The following PI4K2A variants were observed in gnomAD, a reference collection of about 807,000 sequenced individuals.
PI4K2A encodes the protein phosphatidylinositol 4-kinase type 2-alpha.
Under a neutral mutation model 55.0 loss-of-function variants are expected in PI4K2A, and 20 were observed. That is an observed-to-expected ratio of 0.36 (90% CI 0.26 to 0.53). The LOEUF (loss-of-function observed/expected upper bound fraction) is 0.53, where lower values mean the gene tolerates loss of function less well. Ranked by LOEUF, PI4K2A falls within the 20% of genes least tolerant of loss-of-function variation. The pLI, the probability that PI4K2A is intolerant of heterozygous loss-of-function variation, is 0.91. For synonymous variants in PI4K2A, 235 were observed against 258.5 expected, an observed-to-expected ratio of 0.91 and a Z score of 0.87; for missense variants, 463 against 637.1, an observed-to-expected ratio of 0.73 and a Z score of 2.94.
At position 97,667,304 on chromosome 10, in the gene PI4K2A, G is replaced by C. The variant is rs1396092232; in HGVS notation, c.1278+184G>C. ...TGCTCACTGCAACCTCCACCTCCCA[G>C]GTTCAAGCAATTCTTGTGCCTCAGC... is the stretch of plus-strand genomic sequence containing the variant. On this transcript the variant is annotated intron_variant, in intron 8 of 8. Transcript: ENST00000370631. Among the ~76,000 whole-genome samples, 3 of 151,858 alleles carry C rather than the reference G, an allele frequency of 2.0e-5. No individual in the cohort carries two copies. In the East Asian group the frequency reaches 5.9e-4, roughly 30 times the overall value.
Position 97,656,928 on chromosome 10 carries a change from C to T in PI4K2A, c.876C>T (p.Leu292=). The change falls in exon 4 of 9, where the codon CTC becomes CTT. Residue 292 remains leucine, a synonymous_variant. Transcript: ENST00000370631. This position sits in a 1 kb window ranked among gnomAD's most constrained non-coding sequence, Gnocchi z 4.5. ...AGAACACTAACCGGCAACTACTGCT[C>T]CAGTTTGAGCGGTTGGTGGTGCTGG... 1.2e-6 allele frequency: 2 copies of T among 1,614,140 alleles called. No homozygotes were observed. The highest frequency in any genetic ancestry group is 1.7e-6 in the Non-Finnish European group (2 of 1,180,016).
chr10:97,658,266 C>G (rs1484170402), intron 4 of PI4K2A, among the ~76,000 whole-genome samples: 2 of 152,220 alleles, frequency 1.3e-5, no homozygotes, highest in South Asian at 4.1e-4. Context: ...CTAAGTACCT[C>G]ATGTAAGTGG....
intron 4 of PI4K2A, among the ~76,000 whole-genome samples, chr10:97,661,026 C>G (rs1275573696): frequency 1.3e-5 from 2 of 151,742 alleles, no homozygotes; most frequent in African/African-American, 2.4e-5. Context: ...GAGTCTCACT[C>G]TGTTGCCCAG....
At chr10:97,667,109 A>C (rs1236772177) in exon 8 of PI4K2A, 10 of 1,612,970 alleles carry the variant, frequency 6.2e-6, no homozygotes, top group Admixed American at 3.3e-5. Context: ...GATTGCTGTC[A>C]TGCGGGGCCA....
chr10:97,648,401 T>G (rs2041515366), intron 1 of PI4K2A, among the ~76,000 whole-genome samples: 1 of 152,146 alleles, frequency 6.6e-6, no homozygotes, highest in Admixed American at 6.6e-5. Context: ...TAAAAATTAG[T>G]GACAGAGTCT....
chr10:97,664,356 T>C (rs2041600401), intron 5 of PI4K2A, among the ~76,000 whole-genome samples: 1 of 152,182 alleles, frequency 6.6e-6, no homozygotes, highest in South Asian at 2.1e-4. Context: ...ATTCATCTCT[T>C]GTCCTTTTCC....
intron 8 of PI4K2A, among the ~76,000 whole-genome samples, chr10:97,671,986 G>C (rs757355616): frequency 6.6e-6 from 1 of 151,410 alleles, no homozygotes; most frequent in African/African-American, 2.4e-5. Flanking sequence ...TATCATCTTT[G>C]TAGGAAAATC....
At chr10:97,642,474 C>T (rs542580314) in intron 1 of PI4K2A, among the ~76,000 whole-genome samples, 1 of 150,982 alleles carries the variant, frequency 6.6e-6, no homozygotes, top group African/African-American at 2.4e-5. Flanking sequence ...GATCTCAGCT[C>T]ACTGCAGCCT....
intron 1 of PI4K2A, among the ~76,000 whole-genome samples, chr10:97,642,956 CTT>C: frequency 7.0e-6 from 1 of 141,974 alleles, no homozygotes; most frequent in Non-Finnish European, 1.5e-5. Flanking sequence ...CTCTTTCTTT[CTT>C]TTTCTTTCTT....
Position 97,664,956 on chromosome 10 carries a change from ACTGAAGCATC to A in PI4K2A, c.1061_1070del (p.Lys354ThrfsTer27). ...CCATAGACAATGGGCTGGCCTTCCCACTGAAGCATCCTGACTCCTGGAGGGCATGTAAGTC... is the reference window on the plus strand; with the variant it reads ...CCATAGACAATGGGCTGGCCTTCCCACTGACTCCTGGAGGGCATGTAAGTC... On this transcript the variant is annotated frameshift_variant, in exon 6 of 9. Coordinates refer to ENST00000370631, the Ensembl canonical transcript of PI4K2A. LOFTEE classifies it high-confidence loss of function. 6.2e-7 allele frequency: 1 copy of A among 1,613,528 alleles called. No individual in the cohort carries two copies. Among genetic ancestry groups the A allele is most frequent in the Non-Finnish European group, 8.5e-7 (1 of 1,179,472 alleles).
chr10:97,657,060 A>C, intron 4 of PI4K2A, 86 bp downstream of exon 4: 1 of 1,352,818 alleles, frequency 7.4e-7, no homozygotes, highest in East Asian at 2.3e-5. Context: ...CTTGGGAGTC[A>C]GAGTACCTTG....
At chr10:97,660,933 A>ATTT (rs36016508) in intron 4 of PI4K2A, among the ~76,000 whole-genome samples, 98 of 146,502 alleles carry the variant, frequency 6.7e-4, no homozygotes, top group African/African-American at 1.7e-3. Context: ...TCCCTGCTGG[A>ATTT]TTTTTTTTTT....
intron 1 of PI4K2A, among the ~76,000 whole-genome samples, chr10:97,644,079 G>A (rs1333654581): frequency 1.3e-5 from 2 of 152,120 alleles, no homozygotes; most frequent in African/African-American, 4.8e-5. Context: ...GGACAGGTGC[G>A]GTGGCTCACG....
rs111690541 is a variant in PI4K2A at position 97,661,306 on chromosome 10, T to C, written c.923-1601T>C. On this transcript the variant is annotated intron_variant, in intron 4 of 8. Coordinates refer to ENST00000370631, the Ensembl canonical transcript of PI4K2A. ...GCGCCCGGCCACTGCTGGATTATTT[T>C]AAAGCAAATCTGAGACATCATTTTA... Among the ~76,000 whole-genome samples, 801 of 151,986 alleles carry C rather than the reference T, an allele frequency of 5.3e-3. 9 individuals carry two copies. Among genetic ancestry groups the C allele is most frequent in the African/African-American group, 0.017 (686 of 41,454 alleles).
chr10:97,673,871 C>T, exon 9 of PI4K2A: 1 of 794,500 alleles, frequency 1.3e-6, no homozygotes, highest in Non-Finnish European at 2.0e-6. Flanking sequence ...CTGCTTGCCA[C>T]CCTGCTCAGA....
chr10:97,642,974 C>T (rs997535428), intron 1 of PI4K2A, among the ~76,000 whole-genome samples: 5 of 147,716 alleles, frequency 3.4e-5, no homozygotes, highest in Non-Finnish European at 6.0e-5. Context: ...TTCTTTCTTT[C>T]ATTCATTCTC....
intron 2 of PI4K2A, among the ~76,000 whole-genome samples, chr10:97,653,304 G>A (rs1010486238): frequency 2.6e-5 from 4 of 152,138 alleles, no homozygotes; most frequent in Non-Finnish European, 5.9e-5. Context: ...TTTTTGATTT[G>A]TGTAACACTT....
At chr10:97,658,093 A>G (rs998202657) in intron 4 of PI4K2A, among the ~76,000 whole-genome samples, 1 of 152,146 alleles carries the variant, frequency 6.6e-6, no homozygotes, top group Non-Finnish European at 1.5e-5. Context: ...CAGTGTCCCA[A>G]AGTGCTGGGA....
chr10:97,670,213 G>A (rs12259459), intron 8 of PI4K2A, among the ~76,000 whole-genome samples: 4,336 of 152,248 alleles, frequency 0.028, 181 homozygotes, highest in East Asian at 0.15. Context: ...CATTTTCAAA[G>A]ATAGTATTTA....
Sources: allele counts gnomAD v4.1 joint callset (sites outside exome capture counted in the v4.1 genomes callset), GRCh38; gene constraint gnomAD v4.1.1; non-coding constraint Gnocchi (gnomAD v3.1); transcripts MANE v1.5; gene names NCBI Gene and HGNC (gene_info 2026-07-23, HGNC 2026-07-21).